CPED1: variants seen among roughly 807,000 people sequenced by gnomAD.
CPED1 encodes cadherin like and PC-esterase domain containing 1.
Under a neutral mutation model 128.2 loss-of-function variants are expected in CPED1, and 114 were observed. The observed-to-expected ratio is 0.89, with a 90% CI of 0.76 to 1.04. CPED1 has a LOEUF of 1.04. CPED1 is among the 50% of genes least tolerant of loss of function. The pLI is 0.00. For synonymous variants in CPED1, 462 were observed against 426.7 expected, an observed-to-expected ratio of 1.08 and a Z score of -1.02; for missense variants, 1,211 against 1,207.1, an observed-to-expected ratio of 1.00 and a Z score of -0.05.
At chr7:121,258,893 A>G (rs532989228) in intron 18 of CPED1, among the ~76,000 whole-genome samples, 1 of 152,192 alleles carries the variant, frequency 6.6e-6, no homozygotes, top group East Asian at 1.9e-4. Context: ...TTTATTTTCA[A>G]TGCTAATCAC....
intron 5 of CPED1, among the ~76,000 whole-genome samples, chr7:121,069,201 T>C (rs1400279562): frequency 6.6e-6 from 1 of 152,136 alleles, no homozygotes; most frequent in Non-Finnish European, 1.5e-5. Flanking sequence ...TAGAGCAGTG[T>C]CTCCAACAAT....
intron 4 of CPED1, among the ~76,000 whole-genome samples, chr7:121,056,373 GA>G (rs547173652): frequency 3.9e-4 from 59 of 152,062 alleles, no homozygotes; most frequent in African/African-American, 1.4e-3. Context: ...TATTAAAAAA[GA>G]AAAAAACAAC....
chr7:121,266,260 A>G lies in CPED1; in HGVS notation c.2344A>G (p.Ile782Val). ...CATTGGAGATTCAACCAACAGAGGG[A>G]TCATGTACTATCTTATTGAAAGGCT... ...LFIGDSTNRGIMYYLIERLNE... is the reference protein window; with the variant it reads ...LFIGDSTNRGVMYYLIERLNE... The change falls in exon 19 of 23, where the codon ATC (isoleucine) becomes GTC (valine). Residue 782 changes from isoleucine (I) to valine (V), a missense_variant. By Grantham distance (29) the Ile-to-Val change is conservative. Transcript: ENST00000310396. The G allele has an allele frequency of 1.2e-6, 2 of 1,612,938 alleles. No individual in the cohort carries two copies. Among genetic ancestry groups the G allele is most frequent in the South Asian group, 2.2e-5 (2 of 91,066 alleles).
intron 18 of CPED1, among the ~76,000 whole-genome samples, chr7:121,249,374 T>A (rs1263575845): frequency 1.3e-5 from 2 of 151,992 alleles, no homozygotes; most frequent in East Asian, 3.9e-4. Flanking sequence ...AACATACTCA[T>A]CAGATTCACC....
At chr7:121,265,050 T>C (rs1792093881) in intron 18 of CPED1, among the ~76,000 whole-genome samples, 1 of 152,064 alleles carries the variant, frequency 6.6e-6, no homozygotes, top group Non-Finnish European at 1.5e-5. Context: ...CTAGGGGCAC[T>C]GGATGAGACC....
At chr7:121,060,516 C>G (rs1793631625) in intron 4 of CPED1, among the ~76,000 whole-genome samples, 1 of 152,210 alleles carries the variant, frequency 6.6e-6, no homozygotes, top group South Asian at 2.1e-4. Flanking sequence ...CACCCTGTGT[C>G]TAGCTCAGGG....
At chr7:121,293,289 G>T (rs572043916) in intron 22 of CPED1, among the ~76,000 whole-genome samples, 1 of 152,134 alleles carries the variant, frequency 6.6e-6, no homozygotes. Context: ...AATTCCCAGC[G>T]GTTTTGTTTA....
chr7:121,150,815 C>G (rs1315761079), intron 16 of CPED1, among the ~76,000 whole-genome samples: 1 of 151,898 alleles, frequency 6.6e-6, no homozygotes, highest in Non-Finnish European at 1.5e-5. Context: ...GTCACCCAGG[C>G]TGGAGTGCAA....
Position 121,064,089 on chromosome 7 carries a change from G to T in CPED1, c.541-149G>T, listed in dbSNP as rs1793759035. 4 of 529,966 alleles carry T rather than the reference G, an allele frequency of 7.5e-6. No homozygotes were observed. The South Asian group carries it at 1.3e-4, about 17-fold the overall frequency. 32.8% of individuals were successfully genotyped at this position (529,966 alleles called of 1,614,324 possible). ...TAAGCTACTTCATTATTCTGGATTT[G>T]CATGTTGACTTGCAGAGATTTGAAG... On this transcript the variant is annotated intron_variant, in intron 4 of 22. Transcript: ENST00000310396.
intron 5 of CPED1, among the ~76,000 whole-genome samples, chr7:121,096,862 T>TA (rs1334012088): frequency 1.3e-5 from 2 of 152,168 alleles, no homozygotes; most frequent in Admixed American, 6.6e-5. Flanking sequence ...TTGGGATAAT[T>TA]AAAAAAACAA....
chr7:121,219,955 C>T lies in CPED1; in HGVS notation c.2056-16759C>T, dbSNP rs1432093012. Among the ~76,000 whole-genome samples the T allele has an allele frequency of 5.9e-5, 9 of 151,888 alleles. No homozygotes were observed. The South Asian group carries it at 1.5e-3, about 25-fold the overall frequency. On this transcript the variant is annotated intron_variant, in intron 16 of 22. Transcript: ENST00000310396. ...ATTTTTCTTAAAACTCAGTGTAAGG[C>T]GATTACTTAGGTAAACCTTGTTCAC...
chr7:121,238,910 T>C (rs2116672498), intron 17 of CPED1, among the ~76,000 whole-genome samples: 1 of 152,198 alleles, frequency 6.6e-6, no homozygotes, highest in South Asian at 2.1e-4. Context: ...AAATGATTGC[T>C]GAACTAAAAC....
intron 22 of CPED1, among the ~76,000 whole-genome samples, chr7:121,291,514 A>G (rs1418315529): frequency 1.3e-5 from 2 of 152,172 alleles, no homozygotes; most frequent in African/African-American, 2.4e-5. Flanking sequence ...GAGGTTCTTC[A>G]TATCCCTTGT....
intron 16 of CPED1, among the ~76,000 whole-genome samples, chr7:121,148,830 T>C (rs1420834042): frequency 1.3e-5 from 2 of 152,130 alleles, no homozygotes; most frequent in Non-Finnish European, 2.9e-5. Flanking sequence ...TAAAGACAAA[T>C]GTATTTATAT....
chr7:121,164,464 G>A (rs1325576617), intron 16 of CPED1, among the ~76,000 whole-genome samples: 1 of 152,232 alleles, frequency 6.6e-6, no homozygotes, highest in East Asian at 1.9e-4. Flanking sequence ...TCAAGCTTAA[G>A]CATGCATTGA....
intron 4 of CPED1, among the ~76,000 whole-genome samples, chr7:121,053,131 C>T (rs1793401992): frequency 6.6e-6 from 1 of 152,130 alleles, no homozygotes; most frequent in Non-Finnish European, 1.5e-5. Flanking sequence ...TCTTACATAA[C>T]CATGGTACTT....
At chr7:121,067,442 T>C (rs1339526343) in intron 5 of CPED1, among the ~76,000 whole-genome samples, 4 of 152,108 alleles carry the variant, frequency 2.6e-5, no homozygotes, top group Non-Finnish European at 5.9e-5. Flanking sequence ...AGGACATGAA[T>C]TCATCATTTT....
At chr7:121,010,309 T>C (rs1234726366) in intron 2 of CPED1, among the ~76,000 whole-genome samples, 2 of 152,188 alleles carry the variant, frequency 1.3e-5, no homozygotes, top group Non-Finnish European at 2.9e-5. Context: ...TGGAGTGCAG[T>C]GGCACGATCT....
chr7:121,292,029 G>T (rs879887782), intron 22 of CPED1, among the ~76,000 whole-genome samples: 2 of 152,058 alleles, frequency 1.3e-5, no homozygotes, highest in African/African-American at 2.4e-5. Context: ...GGTGTTCTCT[G>T]TCTTTCTTGA....
Sources: allele counts gnomAD v4.1 joint callset (sites outside exome capture counted in the v4.1 genomes callset), GRCh38; gene constraint gnomAD v4.1.1; transcripts MANE v1.5; gene names NCBI Gene and HGNC (gene_info 2026-07-23, HGNC 2026-07-21).